BCCIP: variants seen among roughly 807,000 people sequenced by gnomAD.
The protein encoded by BCCIP is BRCA2 and CDKN1A interacting protein.
A neutral mutation model predicts 32.8 loss-of-function variants in BCCIP; 23 were observed. The ratio of observed to expected loss-of-function variants is 0.70; its 90% CI spans 0.51 to 0.99. The LOEUF is 0.99. Among genes scored for constraint, BCCIP ranks in the 50% least tolerant of loss-of-function variants. The probability of loss-of-function intolerance (pLI) is 0.00; values close to 1 mark genes in which losing one functional copy is unlikely to be tolerated. For missense variants in BCCIP, 378 were observed against 379.8 expected (o/e 1.00, Z 0.04); for synonymous variants, 144 against 137.6 (o/e 1.05, Z -0.33).
chr10:125,833,631 T>C, intron 5 of BCCIP, 141 bp from the exon 6 acceptor site: 1 of 704,934 alleles, frequency 1.4e-6, no homozygotes, highest in Non-Finnish European at 2.4e-6. Flanking sequence ...AAATCATTCC[T>C]GTAGACTAAG....
chr10:125,830,576 A>G lies in BCCIP; in HGVS notation c.336A>G (p.Ser112=). 2 of 1,597,604 alleles carry G rather than the reference A, an allele frequency of 1.3e-6. 1 individual carries two copies. Among genetic ancestry groups the G allele is most frequent in the South Asian group, 2.3e-5 (2 of 86,786 alleles). The part of the protein sequence containing the change: ...IGSVIKQTDV[S]EDSNDDMDED... Reference sequence around the variant, plus strand: ...TTTTAAAATAGCAAACGGATGTTTCAGAAGACAGCAATGATGATATGGATG... The same window carrying G: ...TTTTAAAATAGCAAACGGATGTTTCGGAAGACAGCAATGATGATATGGATG... Residue 112 remains serine, a synonymous_variant, in exon 4 of 7, where the codon TCA becomes TCG. Coordinates refer to ENST00000278100, the MANE Select transcript of BCCIP (RefSeq NM_078468.3).
intron 7 of BCCIP, chr10:125,853,022 C>T (rs759654025): frequency 7.2e-6 from 6 of 830,946 alleles, no homozygotes; most frequent in Non-Finnish European, 1.1e-5. Context: ...TTCAAATCAA[C>T]CAGGATCTTG....
downstream of BCCIP, chr10:125,840,951 G>A (rs1453467109): frequency 3.7e-6 from 6 of 1,612,068 alleles, no homozygotes; most frequent in Admixed American, 8.3e-5. Context: ...ACAAGTCAAG[G>A]CAGCCTCTTC....
downstream of BCCIP, among the ~76,000 whole-genome samples, chr10:125,845,787 G>A (rs1045542887): frequency 1.3e-5 from 2 of 152,232 alleles, no homozygotes; most frequent in African/African-American, 2.4e-5. Context: ...CTCGGGTAAT[G>A]GCAGTATCCC....
At chr10:125,846,256 C>T (rs529199820), downstream of BCCIP, among the ~76,000 whole-genome samples, 5 of 152,194 alleles carry the variant, frequency 3.3e-5, no homozygotes, top group Admixed American at 1.3e-4. Flanking sequence ...TCCCCACCCT[C>T]ATACCATTAT....
At chr10:125,840,187 T>G (rs1854832514), downstream of BCCIP, among the ~76,000 whole-genome samples, 1 of 152,224 alleles carries the variant, frequency 6.6e-6, no homozygotes, top group South Asian at 2.1e-4. Context: ...CTTTGCCCTG[T>G]TTGCCCCCTC....
chr10:125,826,637 A>G lies in BCCIP; in HGVS notation c.212A>G (p.Tyr71Cys). ...GCTTATTCCCTATCAGATAATGATTATGACGGAATTAAGAAATTACTGCAG... is the reference window on the plus strand; with the variant it reads ...GCTTATTCCCTATCAGATAATGATTGTGACGGAATTAAGAAATTACTGCAG... Reference protein sequence around the residue: ...FEAYSLSDNDYDGIKKLLQQL... With the variant: ...FEAYSLSDNDCDGIKKLLQQL... The change falls in exon 2 of 7, where the codon TAT (tyrosine) becomes TGT (cysteine). Residue 71 changes from tyrosine to cysteine, a missense_variant. By Grantham distance (194) the Tyr-to-Cys change is radical. Coordinates refer to ENST00000278100, the MANE Select transcript of BCCIP (RefSeq NM_078468.3). The G allele has an allele frequency of 6.2e-7, 1 of 1,613,772 alleles. No homozygotes were observed. The highest frequency in any genetic ancestry group is 1.3e-5 in the African/African-American group (1 of 75,040).
intron 2 of BCCIP, 60 bp downstream of exon 2, chr10:125,826,725 T>G: frequency 6.3e-7 from 1 of 1,595,146 alleles, no homozygotes; most frequent in Non-Finnish European, 8.5e-7. Context: ...AGGGGCCGGG[T>G]GCAGTGGTTC....
downstream of BCCIP, among the ~76,000 whole-genome samples, chr10:125,847,349 T>C (rs1174573762): frequency 3.3e-5 from 5 of 152,216 alleles, no homozygotes. Flanking sequence ...TATGCTAGTT[T>C]GAGCTGGATT....
intron 3 of BCCIP, 48 bp downstream of exon 3, chr10:125,827,686 TGTTCATGCTGG>T (rs760819544): frequency 7.2e-7 from 1 of 1,390,254 alleles, no homozygotes; most frequent in East Asian, 2.3e-5. Flanking sequence ...TTCTTTATTC[TGTTCATGCTGG>T]GCCTCACCAT....
At chr10:125,827,477 G>T in intron 2 of BCCIP, 81 bp from the exon 3 acceptor site, 1 of 961,448 alleles carries the variant, frequency 1.0e-6, no homozygotes. Context: ...AAATTTCATT[G>T]TTTGTATTTG....
downstream of BCCIP, among the ~76,000 whole-genome samples, chr10:125,843,003 A>G (rs1194507245): frequency 6.6e-6 from 1 of 152,088 alleles, no homozygotes; most frequent in Non-Finnish European, 1.5e-5. Context: ...GGCAAAAACC[A>G]CAATTATTTT....
chr10:125,824,154 A>G (rs1179085348), intron 1 of BCCIP, among the ~76,000 whole-genome samples: 1 of 152,164 alleles, frequency 6.6e-6, no homozygotes, highest in Admixed American at 6.5e-5. Flanking sequence ...TCTACCGTAG[A>G]AGCCTTTTCA....
Position 125,823,551 on chromosome 10 carries a change from C to G in BCCIP, c.-7C>G. Reference sequence around the variant, plus strand: ...GGAAGCTGCGCAGGCGCAGTGTGAGCGGCAACATGGCGTCCAGGTCTAAGC... The same window carrying G: ...GGAAGCTGCGCAGGCGCAGTGTGAGGGGCAACATGGCGTCCAGGTCTAAGC... On this transcript the variant is annotated 5_prime_UTR_variant, in exon 1 of 7. Coordinates refer to ENST00000278100, the MANE Select transcript of BCCIP (RefSeq NM_078468.3). 2 of 1,613,032 alleles carry G rather than the reference C, an allele frequency of 1.2e-6. No homozygotes were observed. Among genetic ancestry groups the G allele is most frequent in the South Asian group, 1.1e-5 (1 of 91,008 alleles).
downstream of BCCIP, among the ~76,000 whole-genome samples, chr10:125,844,529 T>C (rs1231338105): frequency 2.0e-5 from 3 of 152,232 alleles, no homozygotes; most frequent in Non-Finnish European, 2.9e-5. Context: ...TTTTATTATA[T>C]TAGAAAGAAT....
chr10:125,827,766 T>G (rs1235285024), intron 3 of BCCIP, 128 bp downstream of exon 3: 1 of 646,916 alleles, frequency 1.5e-6, no homozygotes, highest in Non-Finnish European at 2.7e-6. Context: ...GGCCAGGAGT[T>G]CAAGACCATC....
chr10:125,838,379 C>G (rs1158437802), downstream of BCCIP: 1 of 1,572,396 alleles, frequency 6.4e-7, no homozygotes, highest in South Asian at 1.2e-5. Flanking sequence ...CATCAACATC[C>G]CGAGCAATCT....
intron 7 of BCCIP, chr10:125,852,162 C>G: frequency 8.6e-7 from 1 of 1,156,812 alleles, no homozygotes; most frequent in Non-Finnish European, 1.2e-6. Context: ...CAGGAAAATG[C>G]TTCAGTCCAA....
intron 5 of BCCIP, among the ~76,000 whole-genome samples, chr10:125,831,938 A>G (rs1346022603): frequency 6.6e-6 from 1 of 152,216 alleles, no homozygotes; most frequent in Non-Finnish European, 1.5e-5. Flanking sequence ...AATAATGAAC[A>G]ATTACAACAA....
Sources: allele counts gnomAD v4.1 joint callset (sites outside exome capture counted in the v4.1 genomes callset), GRCh38; gene constraint gnomAD v4.1.1; transcripts MANE v1.5; gene names NCBI Gene and HGNC (gene_info 2026-07-23, HGNC 2026-07-21).